Variants in RPS6KA2 observed in about 807,000 individuals in gnomAD.
RPS6KA2 encodes ribosomal protein S6 kinase A2.
A neutral mutation model predicts 91.8 loss-of-function variants in RPS6KA2; 42 were observed. The ratio of observed to expected loss-of-function variants is 0.46; its 90% CI spans 0.36 to 0.59. RPS6KA2 has a LOEUF of 0.59. Among genes scored for constraint, RPS6KA2 ranks in the 20% least tolerant of loss-of-function variants. The pLI is 0.00. For synonymous variants in RPS6KA2, 414 were observed against 393.6 expected, an observed-to-expected ratio of 1.05 and a Z score of -0.61; for missense variants, 798 against 978.5, an observed-to-expected ratio of 0.82 and a Z score of 2.46.
chr6:166,485,490 C>T (rs939953010), intron 10 of RPS6KA2, among the ~76,000 whole-genome samples: 1 of 152,140 alleles, frequency 6.6e-6, no homozygotes, highest in Non-Finnish European at 1.5e-5. Context: ...AGGATTACAT[C>T]CACATTGCTC....
chr6:166,513,111 G>T (rs3778426), intron 3 of RPS6KA2, among the ~76,000 whole-genome samples: 32,230 of 152,072 alleles, frequency 0.21, 4,089 homozygotes, highest in South Asian at 0.34. Flanking sequence ...TCTCATAATC[G>T]TTTAAGAAAG....
chr6:166,835,695 T>C (rs1008071248), intron 2 of RPS6KA2, among the ~76,000 whole-genome samples: 3 of 152,246 alleles, frequency 2.0e-5, no homozygotes, highest in Non-Finnish European at 4.4e-5. Context: ...TGAAAATAAA[T>C]GCAGCTTGCT....
chr6:166,734,356 T>C (rs1361029335), intron 2 of RPS6KA2, among the ~76,000 whole-genome samples: 1 of 152,298 alleles, frequency 6.6e-6, no homozygotes, highest in African/African-American at 2.4e-5. Flanking sequence ...AATTCTCAAC[T>C]CAAGATTTTC....
chr6:166,622,960 G>A (rs1383945493), intron 1 of RPS6KA2, among the ~76,000 whole-genome samples: 1 of 152,226 alleles, frequency 6.6e-6, no homozygotes, highest in African/African-American at 2.4e-5. Flanking sequence ...CACACAGTAT[G>A]TGCTAAAATC....
rs528495369 is a variant in RPS6KA2 at position 166,563,463 on chromosome 6, G to A, written c.100-24679C>T. Reference sequence around the variant, plus strand: ...TTCCTCCTGGTGACAGATGCCCCCTGCCACCCCCAGGGGCTGCGGCTCCCC... The same window carrying A: ...TTCCTCCTGGTGACAGATGCCCCCTACCACCCCCAGGGGCTGCGGCTCCCC... On this transcript the variant is annotated intron_variant, in intron 1 of 20. Coordinates refer to ENST00000265678, the MANE Select transcript of RPS6KA2 (RefSeq NM_021135.6). The surrounding 1 kb of genome is among the most constrained non-coding windows in gnomAD (Gnocchi z 4.1). Among the ~76,000 whole-genome samples the A allele has an allele frequency of 1.3e-5, 2 of 151,934 alleles. No homozygotes were observed. Among genetic ancestry groups the A allele is most frequent in the East Asian group, 3.9e-4 (2 of 5,152 alleles).
In RPS6KA2 at chr6:166,767,812, CA is replaced by C. The variant is rs1159437884; in HGVS notation, c.123+90387del. ...ACACACACACACACACACACACACA[CA>C]CACCCTGGTGTCAGGCAGCCGGCCA... On this transcript the variant is annotated intron_variant, in intron 2 of 21. Transcript: ENST00000503859. The surrounding 1 kb of genome is among the most constrained non-coding windows in gnomAD (Gnocchi z 4.6). 2.7e-4 allele frequency among the ~76,000 whole-genome samples: 39 copies of C among 144,478 alleles called. No individual in the cohort carries two copies. The highest frequency in any genetic ancestry group is 3.5e-4 in the Non-Finnish European group (23 of 65,010). The allele number at this position is 144,478 out of a possible 152,430, so 94.8% of individuals were successfully genotyped here.
rs9347144 is a variant in RPS6KA2 at position 166,665,623 on chromosome 6, A to G, written c.124-126839T>C. Among the ~76,000 whole-genome samples, 69,671 of 152,024 alleles carry G rather than the reference A, an allele frequency of 0.46. 16,795 individuals carry two copies. Among genetic ancestry groups the G allele is most frequent in the African/African-American group, 0.62 (25,497 of 41,456 alleles). ...TTCTCTTCTGAAAGACTCCAGAGCC[A>G]GTGCGACCCTCATTAGAACAAGCAC... On this transcript the variant is annotated intron_variant, in intron 2 of 21. Coordinates refer to the RPS6KA2 transcript ENST00000503859. The surrounding 1 kb of genome is among the most constrained non-coding windows in gnomAD (Gnocchi z 4.5).
upstream of RPS6KA2, among the ~76,000 whole-genome samples, chr6:166,631,806 A>G (rs919900708): frequency 5.3e-5 from 8 of 152,214 alleles, no homozygotes; most frequent in African/African-American, 1.9e-4. Flanking sequence ...CAGAGCAGTC[A>G]TAGACACAGC....
intron 2 of RPS6KA2, among the ~76,000 whole-genome samples, chr6:166,794,486 C>T (rs1317526598): frequency 6.6e-6 from 1 of 151,672 alleles, no homozygotes; most frequent in East Asian, 1.9e-4. Context: ...ACCGTTTGAC[C>T]TAGCCATCCC....
intron 1 of RPS6KA2, among the ~76,000 whole-genome samples, chr6:166,575,317 C>A (rs564255489): frequency 1.3e-4 from 20 of 152,288 alleles, no homozygotes; most frequent in African/African-American, 4.6e-4. Context: ...TACGGGGGAG[C>A]GCTCAGAAGT....
chr6:166,613,870 CGGCCTTCAGGACACAGTCGGGCTTTCCAT>C (rs1554236220), intron 1 of RPS6KA2, among the ~76,000 whole-genome samples: 198 of 145,952 alleles, frequency 1.4e-3, no homozygotes, highest in African/African-American at 4.7e-3. Context: ...GGGCTTTCCA[CGGCCTTCAGGACACAGTCGGGCTTTCCAT>C]GGCCTTCAGG....
At chr6:166,428,018 A>G (rs1778987683) in intron 16 of RPS6KA2, among the ~76,000 whole-genome samples, 3 of 151,746 alleles carry the variant, frequency 2.0e-5, no homozygotes, top group Admixed American at 6.5e-5. Flanking sequence ...CCAAAAGAAC[A>G]AAGCTTGAGG....
At chr6:166,683,398 C>T (rs182090686) in intron 2 of RPS6KA2, among the ~76,000 whole-genome samples, 1 of 152,336 alleles carries the variant, frequency 6.6e-6, no homozygotes, top group Admixed American at 6.5e-5. Flanking sequence ...AGTGTTTGCT[C>T]CCCATGATCA....
chr6:166,634,476 T>TAAA (rs1483553177), intron 2 of RPS6KA2, among the ~76,000 whole-genome samples: 1 of 152,230 alleles, frequency 6.6e-6, no homozygotes, highest in African/African-American at 2.4e-5. Flanking sequence ...GCTGAGCTTT[T>TAAA]ACACAGTTCA....
intron 2 of RPS6KA2, among the ~76,000 whole-genome samples, chr6:166,803,233 G>A (rs16899491): frequency 0.012 from 1,848 of 152,236 alleles, 48 homozygotes; most frequent in African/African-American, 0.042. Context: ...TGCAAGAAGC[G>A]ATCTTTTTAG....
At position 166,434,602 on chromosome 6, in the gene RPS6KA2, A is replaced by G. The variant is rs1779234158; in HGVS notation, c.1333-2112T>C. Among the ~76,000 whole-genome samples the G allele has an allele frequency of 6.6e-6, 1 of 152,196 alleles. No individual in the cohort carries two copies. The highest frequency in any genetic ancestry group is 1.5e-5 in the Non-Finnish European group (1 of 68,046). ...ATCGGGGCCGGGATCCTGTCTTTGCAATTAGAGAAGGTTAAAATACATTTA... is the reference window on the plus strand; with the variant it reads ...ATCGGGGCCGGGATCCTGTCTTTGCGATTAGAGAAGGTTAAAATACATTTA... On this transcript the variant is annotated intron_variant, in intron 14 of 20. Transcript: ENST00000265678. The surrounding 1 kb of genome is among the most constrained non-coding windows in gnomAD (Gnocchi z 4.4).
At chr6:166,631,788 C>T (rs368264566), upstream of RPS6KA2, among the ~76,000 whole-genome samples, 8 of 152,278 alleles carry the variant, frequency 5.3e-5, no homozygotes, top group South Asian at 4.1e-4. Context: ...GAGATAGATG[C>T]GAACACACAG....
rs765930717 is a variant in RPS6KA2 at position 166,770,957 on chromosome 6, A to G, written c.123+87243T>C. 6.4e-7 allele frequency: 1 copy of G among 1,571,074 alleles called. No individual in the cohort carries two copies. The highest frequency in any genetic ancestry group is 1.8e-5 in the Admixed American group (1 of 56,758). On this transcript the variant is annotated intron_variant, in intron 2 of 21. Coordinates refer to the RPS6KA2 transcript ENST00000503859. The surrounding 1 kb of genome is among the most constrained non-coding windows in gnomAD (Gnocchi z 5.1). ...AGAAAGAATTCCTTTAAGTCACAGG[A>G]CGTATTTACAGTCAGCAACTTCATT... is the stretch of plus-strand genomic sequence containing the variant.
At chr6:166,425,320 C>A (rs1388062471) in intron 16 of RPS6KA2, among the ~76,000 whole-genome samples, 1 of 151,850 alleles carries the variant, frequency 6.6e-6, no homozygotes, top group African/African-American at 2.4e-5. Context: ...TGGAAAGGAA[C>A]AACAGGTACC....
Sources: gnomAD v4.1 joint callset for allele counts (sites outside exome capture counted in the v4.1 genomes callset) on GRCh38, gnomAD v4.1.1 for gene constraint, Gnocchi (gnomAD v3.1) non-coding constraint, MANE v1.5 for transcripts, NCBI Gene and HGNC (gene_info 2026-07-23, HGNC 2026-07-21) for gene names.